ACSL5: variants seen among roughly 807,000 people sequenced by gnomAD.
ACSL5 encodes long-chain-fatty-acid--CoA ligase 5.
ACSL5 carries 50 observed loss-of-function variants against 84.9 expected under a neutral mutation model. That is an observed-to-expected ratio of 0.59 (90% CI 0.47 to 0.75). The LOEUF is 0.75. ACSL5 is among the 30% of genes least tolerant of loss of function. The pLI, the probability that ACSL5 is intolerant of heterozygous loss-of-function variation, is 0.00. For missense variants in ACSL5, 775 were observed against 830.4 expected (o/e 0.93, Z 0.82); for synonymous variants, 280 against 300.7 (o/e 0.93, Z 0.71).
intron 1 of ACSL5, among the ~76,000 whole-genome samples, chr10:112,391,530 T>C (rs1843639706): frequency 6.6e-6 from 1 of 152,192 alleles, no homozygotes; most frequent in Non-Finnish European, 1.5e-5. Context: ...CCCTTGCCAA[T>C]ATAGGCAAGG....
intron 1 of ACSL5, among the ~76,000 whole-genome samples, chr10:112,380,538 A>T (rs769459583): frequency 1.3e-5 from 2 of 151,192 alleles, no homozygotes; most frequent in Non-Finnish European, 2.9e-5. Context: ...CCTCCCCTAA[A>T]TGTCCCACTT....
chr10:112,389,232 T>A (rs1849511384), intron 1 of ACSL5, among the ~76,000 whole-genome samples: 3 of 151,118 alleles, frequency 2.0e-5, no homozygotes, highest in Admixed American at 6.6e-5. Context: ...TGCACAGAGG[T>A]GTGAAGGCAG....
intron 3 of ACSL5, 142 bp downstream of exon 3, chr10:112,399,151 C>T: frequency 1.5e-6 from 1 of 675,662 alleles, no homozygotes. Context: ...ATAGAGGCAA[C>T]ATTAGAACAT....
Position 112,421,993 on chromosome 10 carries a change from T to A in ACSL5, c.1434T>A (p.Asp478Glu). ...PLACNYVKLE[D>E]VADMNYFTVN... is the part of the protein sequence containing the mutation. ...CTTGCAATTACGTGAAGCTGGAAGA[T>A]GTGGCTGACATGAACTACTTTACAG... The change falls in exon 16 of 21, where the codon GAT becomes GAA. Residue 478 changes from aspartate (D) to glutamate (E), a missense_variant. Physicochemically the swap from Asp to Glu is conservative, Grantham distance 45. Transcript: ENST00000354655. The A allele has an allele frequency of 1.2e-6, 2 of 1,614,208 alleles. No individual in the cohort carries two copies. Among genetic ancestry groups the A allele is most frequent in the Middle Eastern group, 1.6e-4 (1 of 6,062 alleles).
At chr10:112,412,596 T>G (rs1020092402) in intron 11 of ACSL5, 1 of 152,748 alleles carries the variant, frequency 6.5e-6, no homozygotes, top group Non-Finnish European at 1.5e-5. Context: ...GAAAGTTCTC[T>G]CTCTGCTCCT....
intron 17 of ACSL5, among the ~76,000 whole-genome samples, chr10:112,422,984 C>A (rs1481768310): frequency 6.7e-6 from 1 of 148,836 alleles, no homozygotes; most frequent in African/African-American, 2.5e-5. Context: ...GTCAGGAGAT[C>A]GAGACCATCC....
At chr10:112,401,247 G>A (rs927023072) in intron 3 of ACSL5, among the ~76,000 whole-genome samples, 1 of 152,058 alleles carries the variant, frequency 6.6e-6, no homozygotes, top group Non-Finnish European at 1.5e-5. Context: ...TGACACTTCT[G>A]GTCCTATCTG....
chr10:112,386,763 T>C (rs1200156158), intron 1 of ACSL5, among the ~76,000 whole-genome samples: 1 of 152,198 alleles, frequency 6.6e-6, no homozygotes, highest in Non-Finnish European at 1.5e-5. Context: ...ACTTCAGATC[T>C]AAACTTTTAA....
At chr10:112,399,195 C>T (rs558929732) in intron 3 of ACSL5, among the ~76,000 whole-genome samples, 186 bp downstream of exon 3, 3 of 152,188 alleles carry the variant, frequency 2.0e-5, no homozygotes, top group Non-Finnish European at 4.4e-5. Flanking sequence ...CAGTGTCAGA[C>T]GGACTTAGGT....
At chr10:112,417,321 G>A (rs1378758035) in intron 13 of ACSL5, among the ~76,000 whole-genome samples, 1 of 151,570 alleles carries the variant, frequency 6.6e-6, no homozygotes, top group Non-Finnish European at 1.5e-5. Flanking sequence ...TGACCAACAT[G>A]GTGAAACCCA....
chr10:112,427,256 T>G lies in ACSL5; in HGVS notation c.1950T>G (p.Ile650Met). 6.2e-7 allele frequency: 1 copy of G among 1,613,408 alleles called. No individual in the cohort carries two copies. The stretch of plus-strand genomic sequence containing the variant: ...TTCTTCATCCAGAGCCATTTTCCAT[T>G]GAAAATGGGCTCTTGACACCAACAT... ...AIFLHPEPFSIENGLLTPTLK... is the reference protein window; with the variant it reads ...AIFLHPEPFSMENGLLTPTLK... Residue 650 changes from isoleucine (I) to methionine (M), a missense_variant, in exon 21 of 21, where the codon ATT becomes ATG. Physicochemically the swap from Ile to Met is conservative, Grantham distance 10 (BLOSUM62 1). Coordinates refer to ENST00000354655, the MANE Select transcript of ACSL5 (RefSeq NM_203379.2).
In ACSL5 at chr10:112,426,774, T is replaced by G. The variant is rs1438214429; in HGVS notation, c.1840-14T>G. On this transcript the variant is annotated splice_polypyrimidine_tract_variant and intron_variant, in intron 19 of 20. Coordinates refer to ENST00000354655, the MANE Select transcript of ACSL5 (RefSeq NM_203379.2). ...TGAAACAGCCATGCTTTAAGTGATG[T>G]TTTGTATTCTTAGGTTGTAAGGGAA... 1 of 1,612,620 alleles carries G rather than the reference T, an allele frequency of 6.2e-7. No individual in the cohort carries two copies. Among genetic ancestry groups the G allele is most frequent in the Admixed American group, 1.7e-5 (1 of 60,030 alleles).
intron 5 of ACSL5, among the ~76,000 whole-genome samples, chr10:112,406,944 G>A (rs1471986790): frequency 6.6e-6 from 1 of 152,180 alleles, no homozygotes; most frequent in Non-Finnish European, 1.5e-5. Context: ...AGAAGAGGAG[G>A]TTTAATTGGA....
chr10:112,401,124 G>T (rs1346617915), intron 3 of ACSL5, among the ~76,000 whole-genome samples: 1 of 152,138 alleles, frequency 6.6e-6, no homozygotes, highest in Non-Finnish European at 1.5e-5. Flanking sequence ...GCTGAGGCAG[G>T]AGAATCGCTT....
chr10:112,391,027 T>C (rs899209448), intron 1 of ACSL5, among the ~76,000 whole-genome samples: 6 of 152,344 alleles, frequency 3.9e-5, no homozygotes, highest in South Asian at 2.1e-4. Context: ...TACTGCCCGA[T>C]TGTACATTTT....
At chr10:112,411,627 TACACACACACAC>T in intron 10 of ACSL5, 98 bp downstream of exon 10, 3 of 820,982 alleles carry the variant, frequency 3.7e-6, no homozygotes, top group Non-Finnish European at 3.9e-6. Flanking sequence ...CACACACACA[TACACACACACAC>T]ACACACACGT....
At chr10:112,422,249 C>A in intron 16 of ACSL5, 76 bp from the exon 17 acceptor site, 3 of 1,250,164 alleles carry the variant, frequency 2.4e-6, no homozygotes, top group Non-Finnish European at 3.5e-6. Flanking sequence ...TTAAGGGGAG[C>A]AGGTGTTTCA....
At chr10:112,380,883 C>A (rs776809126) in intron 1 of ACSL5, among the ~76,000 whole-genome samples, 8 of 152,110 alleles carry the variant, frequency 5.3e-5, no homozygotes, top group Non-Finnish European at 1.0e-4. Context: ...CCAGGCTCAA[C>A]AATCCTCCTA....
At chr10:112,401,748 ACT>A (rs1212833965) in intron 3 of ACSL5, among the ~76,000 whole-genome samples, 1 of 134,454 alleles carries the variant, frequency 7.4e-6, no homozygotes, top group East Asian at 2.3e-4. Context: ...CCTTCCTGGA[ACT>A]CTCTCTCTCC....
Sources: gnomAD v4.1 joint callset for allele counts (sites outside exome capture counted in the v4.1 genomes callset) on GRCh38, gnomAD v4.1.1 for gene constraint, MANE v1.5 for transcripts, NCBI Gene and HGNC (gene_info 2026-07-23, HGNC 2026-07-21) for gene names.